The following TMEM272 variants were observed in gnomAD, a reference collection of about 807,000 sequenced individuals.
TMEM272 encodes the protein transmembrane protein 272.
TMEM272 carries 8 observed loss-of-function variants against 3.7 expected under a neutral mutation model. That is an observed-to-expected ratio of 2.17 (90% CI 1.27 to 3.91). The LOEUF is 3.91. Ranked by LOEUF, TMEM272 falls within the 30% of genes most tolerant of loss-of-function variation. TMEM272 has a pLI of 0.00. For synonymous variants in TMEM272, 63 were observed against 39.8 expected (o/e 1.58, Z -2.20); for missense variants, 166 against 91.5 (o/e 1.81, Z -3.32).
the TMEM272 span, among the ~76,000 whole-genome samples, chr13:51,870,084 T>A: frequency 6.6e-6 from 1 of 152,196 alleles, no homozygotes; most frequent in Non-Finnish European, 1.5e-5. Context: ...TGTGGTTCCT[T>A]GGTTACCCCT....
chr13:51,853,274 G>A, the TMEM272 span, among the ~76,000 whole-genome samples: 1 of 152,134 alleles, frequency 6.6e-6, no homozygotes, highest in Non-Finnish European at 1.5e-5. Context: ...GCTGGGCTTC[G>A]TGGCGCATGC....
In TMEM272 at chr13:51,815,804, A is replaced by G. The variant is rs1956016875; in HGVS notation, c.*947T>C. The G allele has an allele frequency of 6.6e-6, 1 of 152,234 alleles. No homozygotes were observed. Among genetic ancestry groups the G allele is most frequent in the Non-Finnish European group, 1.5e-5 (1 of 68,050 alleles). The allele number at this position is 152,234 out of a possible 1,614,324, so 9.4% of individuals were successfully genotyped here. A position where few individuals can be genotyped will look rare whatever the true frequency, so the allele number is the denominator to read the frequency against. On this transcript the variant is annotated 3_prime_UTR_variant, in exon 5 of 5. Coordinates refer to ENST00000629372, the MANE Select transcript of TMEM272 (RefSeq NM_001351003.2). The stretch of plus-strand genomic sequence containing the variant: ...TGGTCACTGTTCGGTGTCATCCTGG[A>G]CTTCCAGACATCTCAATTTACAAAA...
chr13:51,823,799 C>A (rs956339492), intron 3 of TMEM272, among the ~76,000 whole-genome samples: 4 of 152,218 alleles, frequency 2.6e-5, no homozygotes. Flanking sequence ...TATGACTACA[C>A]CATATTCCAT....
At chr13:51,926,821 T>C in the TMEM272 span, among the ~76,000 whole-genome samples, 1 of 152,216 alleles carries the variant, frequency 6.6e-6, no homozygotes, top group East Asian at 1.9e-4. Context: ...GATCATTCTG[T>C]GATGCATTTA....
At chr13:51,907,510 CA>C in the TMEM272 span, among the ~76,000 whole-genome samples, 29 of 152,192 alleles carry the variant, frequency 1.9e-4, no homozygotes, top group Non-Finnish European at 5.9e-5. Context: ...GGCCAGGTAC[CA>C]GACAACTAGG....
chr13:51,830,812 T>C (rs893484673), intron 2 of TMEM272, among the ~76,000 whole-genome samples: 4 of 152,174 alleles, frequency 2.6e-5, no homozygotes, highest in Non-Finnish European at 5.9e-5. Context: ...TCCCTGGCCC[T>C]GTTCTCAGGC....
the TMEM272 span, chr13:51,909,525 C>T: frequency 1.4e-5 from 15 of 1,037,854 alleles, no homozygotes; most frequent in African/African-American, 3.1e-5. Flanking sequence ...GTGTGTTTTC[C>T]GACTGCAAAG....
chr13:51,823,725 T>G (rs1956099967), intron 3 of TMEM272, among the ~76,000 whole-genome samples: 1 of 152,280 alleles, frequency 6.6e-6, no homozygotes, highest in Admixed American at 6.5e-5. Context: ...CTTTTAGCTT[T>G]GATTTGGAAT....
At chr13:51,847,189 G>A (rs1956311674), upstream of TMEM272, among the ~76,000 whole-genome samples, 1 of 152,164 alleles carries the variant, frequency 6.6e-6, no homozygotes. Context: ...AACATGCCAT[G>A]GTCTCTGGCC....
chr13:51,850,795 TAAC>T, the TMEM272 span, among the ~76,000 whole-genome samples: 1 of 152,252 alleles, frequency 6.6e-6, no homozygotes, highest in Non-Finnish European at 1.5e-5. Flanking sequence ...TTTTGAATCC[TAAC>T]ATTATTAACG....
intron 2 of TMEM272, among the ~76,000 whole-genome samples, chr13:51,830,437 G>C (rs547031012): frequency 6.6e-6 from 1 of 152,312 alleles, no homozygotes; most frequent in Non-Finnish European, 1.5e-5. Context: ...CTGCAGCATG[G>C]ACTGCAGGAC....
chr13:51,840,844 C>T lies in TMEM272; in HGVS notation c.-23-2291G>A, dbSNP rs185868740. 1.5e-4 allele frequency among the ~76,000 whole-genome samples: 23 copies of T among 152,318 alleles called. No individual in the cohort carries two copies. The East Asian group carries it at 3.5e-3, about 23-fold the overall frequency. On this transcript the variant is annotated intron_variant, in intron 1 of 4. Coordinates refer to ENST00000629372, the MANE Select transcript of TMEM272 (RefSeq NM_001351003.2). ...CTTATACACAGAAAATCAGGAACAC[C>T]ACAGCCCTGAGGAAACCACAGCCTC...
chr13:51,897,218 T>C, the TMEM272 span, among the ~76,000 whole-genome samples: 2 of 152,058 alleles, frequency 1.3e-5, no homozygotes, highest in African/African-American at 4.8e-5. Flanking sequence ...TAGTAAGACA[T>C]TGTCTTTTTT....
chr13:51,876,448 A>G, the TMEM272 span, among the ~76,000 whole-genome samples: 3 of 152,350 alleles, frequency 2.0e-5, no homozygotes, highest in South Asian at 6.2e-4. Context: ...GTTCTTAATA[A>G]TCATTACCTA....
Position 51,813,902 on chromosome 13 carries a change from C to T in TMEM272, c.*2849G>A, listed in dbSNP as rs1482250338. On this transcript the variant is annotated 3_prime_UTR_variant, in exon 5 of 5. Transcript: ENST00000629372. ...ATCCCTCTCTGCCACATAATTTGTT[C>T]CCTTGAGGTTTCATAGCATCCAGAA... 3 of 152,180 alleles carry T rather than the reference C, an allele frequency of 2.0e-5. No homozygotes were observed. Among genetic ancestry groups the T allele is most frequent in the Non-Finnish European group, 2.9e-5 (2 of 68,028 alleles). 9.4% of individuals were successfully genotyped at this position (152,180 alleles called of 1,614,324 possible). A position where few individuals can be genotyped will look rare whatever the true frequency, so the allele number is the denominator to read the frequency against.
At chr13:51,829,364 C>A (rs1384530390) in intron 2 of TMEM272, among the ~76,000 whole-genome samples, 1 of 152,002 alleles carries the variant, frequency 6.6e-6, no homozygotes, top group Non-Finnish European at 1.5e-5. Context: ...TATTTTAGTC[C>A]CTTGAACAGT....
At chr13:51,827,972 T>C (rs1349712671) in intron 2 of TMEM272, among the ~76,000 whole-genome samples, 2 of 152,234 alleles carry the variant, frequency 1.3e-5, no homozygotes, top group Non-Finnish European at 2.9e-5. Context: ...CCCTGGCCAC[T>C]GGTGAGGAAT....
intron 1 of TMEM272, among the ~76,000 whole-genome samples, chr13:51,839,897 CCTT>C (rs1212290441): frequency 6.6e-6 from 1 of 152,198 alleles, no homozygotes; most frequent in African/African-American, 2.4e-5. Context: ...CCATCACTGT[CCTT>C]CTAGGACATG....
chr13:51,888,627 TTTTTTC>T, the TMEM272 span, among the ~76,000 whole-genome samples: 20 of 143,738 alleles, frequency 1.4e-4, no homozygotes, highest in African/African-American at 4.1e-4. Flanking sequence ...ATCCTTTTTC[TTTTTTC>T]TTTTTCTTTT....
Sources: gnomAD v4.1 joint callset for allele counts (sites outside exome capture counted in the v4.1 genomes callset) on GRCh38, gnomAD v4.1.1 for gene constraint, MANE v1.5 for transcripts, NCBI Gene and HGNC (gene_info 2026-07-23, HGNC 2026-07-21) for gene names.